HSPG2: variants seen among roughly 807,000 people sequenced by gnomAD.
The protein encoded by HSPG2 is heparan sulfate proteoglycan 2.
In HSPG2, 278 loss-of-function variants were observed where a neutral mutation model predicts 526.6. The observed-to-expected ratio is 0.53, with a 90% CI of 0.48 to 0.58. The LOEUF is 0.58. HSPG2 is among the 20% of genes least tolerant of loss of function. The pLI is 0.00. For missense variants in HSPG2, 5,354 were observed against 6,099.5 expected (o/e 0.88, Z 4.07); for synonymous variants, 2,465 against 2,555.4 (o/e 0.96, Z 1.07).
At chr1:21,886,148 C>A (rs1054067270) in intron 9 of HSPG2, among the ~76,000 whole-genome samples, 1 of 152,276 alleles carries the variant, frequency 6.6e-6, no homozygotes, top group South Asian at 2.1e-4. Flanking sequence ...GTTCCCCACA[C>A]TCTCAGGAGC....
In HSPG2 at chr1:21,862,602, A is replaced by AAT. The variant is rs1639881190; in HGVS notation, c.4741-488_4741-487insAT. ...CCATCTCAAAAAAAAAAAAAAGAAA[A>AAT]AAGCAAAAAAAGCTAGAAACAAACC... On this transcript the variant is annotated intron_variant, in intron 37 of 96. Transcript: ENST00000374695. 1.3e-5 allele frequency among the ~76,000 whole-genome samples: 2 copies of AAT among 151,138 alleles called. 1 individual carries two copies.
At position 21,855,349 on chromosome 1, in the gene HSPG2, G is replaced by A. The variant is rs770279528; in HGVS notation, c.5952C>T (p.Ser1984=). The change falls in exon 47 of 97, where the codon AGC becomes AGT. Residue 1984 remains serine, a synonymous_variant. Transcript: ENST00000374695. ...RLYCRAAGVP[S]ATITWRKEGG... ...CTTCCTTCCTCCAGGTGATGGTGGCGCTAGGCACGCCTGCAGCCCTGCAGT... is the reference window on the plus strand; with the variant it reads ...CTTCCTTCCTCCAGGTGATGGTGGCACTAGGCACGCCTGCAGCCCTGCAGT... 1.4e-5 allele frequency: 23 copies of A among 1,610,036 alleles called. No homozygotes were observed. The highest frequency in any genetic ancestry group is 2.7e-5 in the African/African-American group (2 of 74,900).
chr1:21,877,054 C>T (rs1174597807), intron 21 of HSPG2, among the ~76,000 whole-genome samples: 2 of 57,042 alleles, frequency 3.5e-5, no homozygotes, highest in Non-Finnish European at 6.6e-5. Context: ...AGCGAGACTC[C>T]ATCTCAAAAA....
intron 6 of HSPG2, among the ~76,000 whole-genome samples, 183 bp from the exon 7 acceptor site, chr1:21,888,249 C>G (rs1557789983): frequency 6.6e-6 from 1 of 152,210 alleles, no homozygotes; most frequent in Non-Finnish European, 1.5e-5. Flanking sequence ...GGGCATGGGA[C>G]ATGCGGCAGT....
At chr1:21,878,905 C>A in intron 18 of HSPG2, 89 bp downstream of exon 18, 1 of 1,490,136 alleles carries the variant, frequency 6.7e-7, no homozygotes, top group South Asian at 1.2e-5. Context: ...AGATCTGAAT[C>A]CAAGTCTCCT....
intron 33 of HSPG2, chr1:21,870,968 G>A: frequency 2.8e-6 from 2 of 723,594 alleles, no homozygotes; most frequent in Non-Finnish European, 3.4e-6. Flanking sequence ...GCGAACCCCA[G>A]AAGGGAGAGG....
chr1:21,865,735 G>T lies in HSPG2; in HGVS notation c.4296C>A (p.Asp1432Glu). The change falls in exon 34 of 97, where the codon GAC (aspartate) becomes GAA (glutamate). Residue 1432 changes from aspartate (D) to glutamate (E), a missense_variant. Asp to Glu is a conservative substitution (Grantham distance 45). Transcript: ENST00000374695. This position sits in a 1 kb window ranked among gnomAD's most constrained non-coding sequence, Gnocchi z 5.4. Reference protein sequence around the residue: ...TAGPQGSPLSDPDVQITGNNI... With the variant: ...TAGPQGSPLSEPDVQITGNNI... Reference sequence around the variant, plus strand: ...TGCTCACCGTGATCTGCACATCGGGGTCAGAGAGTGGGCTGCCCTGTGGGC... The same window carrying T: ...TGCTCACCGTGATCTGCACATCGGGTTCAGAGAGTGGGCTGCCCTGTGGGC... The T allele has an allele frequency of 6.2e-7, 1 of 1,613,736 alleles. No homozygotes were observed. The highest frequency in any genetic ancestry group is 8.5e-7 in the Non-Finnish European group (1 of 1,179,850).
intron 1 of HSPG2, among the ~76,000 whole-genome samples, chr1:21,910,752 T>C (rs1032210115): frequency 6.6e-6 from 1 of 152,086 alleles, no homozygotes; most frequent in African/African-American, 2.4e-5. Flanking sequence ...CACAGGTGGT[T>C]AATACCCTCG....
At position 21,880,521 on chromosome 1, in the gene HSPG2, G is replaced by A. The variant is rs377560753; in HGVS notation, c.2037C>T (p.Arg679=). 4.1e-5 allele frequency: 66 copies of A among 1,613,602 alleles called. No homozygotes were observed. Among genetic ancestry groups the A allele is most frequent in the East Asian group, 3.6e-4 (16 of 44,880 alleles). The change falls in exon 16 of 97, where the codon CGC becomes CGT. Residue 679 remains arginine, a synonymous_variant. Coordinates refer to ENST00000374695, the MANE Select transcript of HSPG2 (RefSeq NM_005529.7). ...TCTGCAGCACCTGCAGCAGCTCCGC[G>A]CGCTGCACCGGCCGGCCAGACTCAT... ...WVHESGRPVQ[R]AELLQVLQSL...
chr1:21,855,090 G>C, intron 47 of HSPG2, 107 bp from the exon 48 acceptor site: 1 of 1,411,078 alleles, frequency 7.1e-7, no homozygotes. Context: ...GCCAATATTA[G>C]GGCCCAGTGG....
chr1:21,853,056 G>C lies in HSPG2; in HGVS notation c.6454C>G (p.Arg2152Gly). 1 of 1,613,858 alleles carries C rather than the reference G, an allele frequency of 6.2e-7. No homozygotes were observed. The highest frequency in any genetic ancestry group is 8.5e-7 in the Non-Finnish European group (1 of 1,179,938). The part of the protein sequence containing the change: ...PSYTPVPGST[R>G]PIRIEPSSSH... Reference sequence around the variant, plus strand: ...GAGGAGGGCTCGATGCGGATGGGCCGGGTGCTGCCGGGCACTGGACACAGA... The same window carrying C: ...GAGGAGGGCTCGATGCGGATGGGCCCGGTGCTGCCGGGCACTGGACACAGA... Residue 2152 changes from arginine to glycine, a missense_variant, in exon 51 of 97, where the codon CGG (arginine) becomes GGG (glycine). Transcript: ENST00000374695.
In HSPG2 at chr1:21,844,213, G is replaced by T. The variant is rs775886696; in HGVS notation, c.8551C>A (p.Pro2851Thr). 3 of 1,613,804 alleles carry T rather than the reference G, an allele frequency of 1.9e-6. No homozygotes were observed. The highest frequency in any genetic ancestry group is 4.5e-5 in the East Asian group (2 of 44,882). ...GQTLDLKCVV[P>T]GQAHAQVTWH... is the part of the protein sequence containing the mutation. ...GTGACCTGGGCGTGGGCCTGCCCGG[G>T]CACCACGCACTTCAGATCCAGGGTC... The change falls in exon 65 of 97, where the codon CCC becomes ACC. Residue 2851 changes from proline to threonine, a missense_variant. By Grantham distance (38) the Pro-to-Thr change is conservative. Transcript: ENST00000374695.
At position 21,831,803 on chromosome 1, in the gene HSPG2, C is replaced by T. The variant is rs1336552092; in HGVS notation, c.11208-7G>A. ...GCCTGAGCCTGCATCGAACCTGCTC[C>T]GTGGGGCAGGCCGGGGCAGGAGAGA... On this transcript the variant is annotated splice_polypyrimidine_tract_variant and splice_region_variant and intron_variant, in intron 81 of 96. Transcript: ENST00000374695. The T allele has an allele frequency of 6.3e-6, 10 of 1,594,378 alleles. No homozygotes were observed. The highest frequency in any genetic ancestry group is 3.4e-5 in the South Asian group (3 of 88,478).
chr1:21,839,459 C>T lies in HSPG2; in HGVS notation c.9801G>A (p.Arg3267=). ...ACTGGCCCGAGTCCTGCTGGGCTAC[C>T]CGGGGTATGATGAGTGTGTCACCTT... is the stretch of plus-strand genomic sequence containing the variant. ...RLEGDTLIIP[R]VAQQDSGQYI... is the part of the protein sequence containing the mutation. The change falls in exon 73 of 97, where the codon CGG becomes CGA. Residue 3267 remains arginine (R), a synonymous_variant. Transcript: ENST00000374695. The surrounding 1 kb of genome is among the most constrained non-coding windows in gnomAD (Gnocchi z 4.5). 1 of 1,614,082 alleles carries T rather than the reference C, an allele frequency of 6.2e-7. No homozygotes were observed. Among genetic ancestry groups the T allele is most frequent in the African/African-American group, 1.3e-5 (1 of 75,036 alleles).
chr1:21,896,173 ACCT>A lies in HSPG2; in HGVS notation c.198_199+1del. On this transcript the variant is annotated splice_donor_variant and coding_sequence_variant, in exon 2 of 97. Coordinates refer to ENST00000374695, the MANE Select transcript of HSPG2 (RefSeq NM_005529.7). LOFTEE classifies it high-confidence loss of function. Reference sequence around the variant, plus strand: ...GCTCCCAGCCTTGGATCCTTGGCTCACCTCCTGAGATGCTGTCAGCCAGCATGT... The same window carrying A: ...GCTCCCAGCCTTGGATCCTTGGCTCACCTGAGATGCTGTCAGCCAGCATGT... The A allele has an allele frequency of 6.2e-7, 1 of 1,611,374 alleles. No individual in the cohort carries two copies. Among genetic ancestry groups the A allele is most frequent in the Non-Finnish European group, 8.5e-7 (1 of 1,179,590 alleles).
At chr1:21,838,122 T>G (rs1572178204) in intron 74 of HSPG2, among the ~76,000 whole-genome samples, 1 of 102,994 alleles carries the variant, frequency 9.7e-6, no homozygotes, top group Admixed American at 1.5e-4. Flanking sequence ...GGTGAAAGAG[T>G]GAGATTCTGT....
chr1:21,920,678 A>G (rs754652360), intron 1 of HSPG2, among the ~76,000 whole-genome samples: 58 of 152,164 alleles, frequency 3.8e-4, no homozygotes, highest in Non-Finnish European at 7.2e-4. Flanking sequence ...TAATTTAACC[A>G]TAGCCCCTGC....
In HSPG2 at chr1:21,842,833, G is replaced by A. The variant is rs371076634; in HGVS notation, c.8847C>T (p.Pro2949=). 46 of 1,613,998 alleles carry A rather than the reference G, an allele frequency of 2.9e-5. No homozygotes were observed. Among genetic ancestry groups the A allele is most frequent in the African/African-American group, 1.6e-4 (12 of 75,048 alleles). The stretch of plus-strand genomic sequence containing the variant: ...ACGTGACCTGGGCATGGGCCTGCCC[G>A]GGCACCACACAGTTCAGATCCAGAG... ...GQTLDLNCVV[P]GQAHAQVTWY... is the part of the protein sequence containing the mutation. The change falls in exon 67 of 97, where the codon CCC becomes CCT. Residue 2949 remains proline (P), a synonymous_variant. Transcript: ENST00000374695.
intron 39 of HSPG2, 82 bp from the exon 40 acceptor site, chr1:21,860,317 A>C: frequency 3.8e-6 from 5 of 1,322,536 alleles, no homozygotes; most frequent in Non-Finnish European, 4.3e-6. Flanking sequence ...CCAGAAGCTC[A>C]GCAGGCCACC....
Sources: allele counts gnomAD v4.1 joint callset (sites outside exome capture counted in the v4.1 genomes callset), GRCh38; gene constraint gnomAD v4.1.1; non-coding constraint Gnocchi (gnomAD v3.1); transcripts MANE v1.5; gene names NCBI Gene and HGNC (gene_info 2026-07-23, HGNC 2026-07-21).